The following TRPM5 variants were observed in gnomAD, a reference collection of about 807,000 sequenced individuals.
TRPM5 encodes the protein MLSN1 and TRP-related.
Under a neutral mutation model 124.9 loss-of-function variants are expected in TRPM5, and 121 were observed. The ratio of observed to expected loss-of-function variants is 0.97; its 90% CI spans 0.84 to 1.13. TRPM5 has a LOEUF of 1.13. Among genes scored for constraint, TRPM5 ranks in the 50% most tolerant of loss-of-function variants. TRPM5 has a pLI of 0.00. For missense variants in TRPM5, 1,643 were observed against 1,589.1 expected (o/e 1.03, Z -0.58); for synonymous variants, 781 against 700.5 (o/e 1.11, Z -1.81).
Position 2,422,914 on chromosome 11 carries a change from C to G in TRPM5, c.117+6G>C. On this transcript the variant is annotated splice_donor_region_variant and intron_variant, in intron 1 of 23. Transcript: ENST00000155858. ...ACATCACCTGAGGCCTGGGGCCTGC[C>G]CTTACCTTGCCTCGCTTCTTCCCAG... 1.2e-6 allele frequency: 2 copies of G among 1,611,866 alleles called. No individual in the cohort carries two copies. The highest frequency in any genetic ancestry group is 1.7e-6 in the Non-Finnish European group (2 of 1,178,562).
chr11:2,413,330 G>T, intron 13 of TRPM5, 104 bp from the exon 19 acceptor site: 2 of 1,318,078 alleles, frequency 1.5e-6, no homozygotes, highest in Non-Finnish European at 2.1e-6. Flanking sequence ...TGCAGGGGCT[G>T]TGGGGAGTGG....
At chr11:2,428,676 G>A in the TRPM5 span, among the ~76,000 whole-genome samples, 17 of 151,980 alleles carry the variant, frequency 1.1e-4, no homozygotes, top group South Asian at 2.7e-3. This position sits in a 1 kb window ranked among gnomAD's most constrained non-coding sequence, Gnocchi z 4.0. Flanking sequence ...GAATGATGAC[G>A]AAGATGATGA....
chr11:2,405,106 A>T (rs981306285), intron 23 of TRPM5, 63 bp from the exon 29 acceptor site: 3 of 1,436,852 alleles, frequency 2.1e-6, no homozygotes, highest in Non-Finnish European at 2.9e-6. Flanking sequence ...GGAAGGGGAG[A>T]GGTAGCTGGC....
exon 9 of TRPM5, chr11:2,415,178 C>A: frequency 1.3e-6 from 2 of 1,584,940 alleles, no homozygotes; most frequent in Non-Finnish European, 1.7e-6. Context: ...AGGCGTCCTG[C>A]AGGAAGTCCT....
chr11:2,425,492 C>T (rs182249641), upstream of TRPM5, among the ~76,000 whole-genome samples: 18 of 152,348 alleles, frequency 1.2e-4, no homozygotes, highest in African/African-American at 4.1e-4. Context: ...TCTGCAAGGA[C>T]CCCACTTCCA....
At chr11:2,407,665 A>C (rs1850350852) in intron 19 of TRPM5, 94 bp downstream of exon 24, 6 of 1,489,110 alleles carry the variant, frequency 4.0e-6, no homozygotes, top group Non-Finnish European at 5.5e-6. Flanking sequence ...CCTCTGCAGC[A>C]CACCAGGTGG....
chr11:2,416,153 G>A, intron 7 of TRPM5, 129 bp from the exon 13 acceptor site: 1 of 627,828 alleles, frequency 1.6e-6, no homozygotes, highest in South Asian at 2.0e-5. Flanking sequence ...ACTTGAGGGG[G>A]CACATGCGCC....
At chr11:2,418,501 C>T (rs375736221) in intron 5 of TRPM5, 26 bp downstream of exon 10, 11 of 1,602,914 alleles carry the variant, frequency 6.9e-6, no homozygotes, top group Non-Finnish European at 9.4e-6. Context: ...CTTCGGCCAG[C>T]CAGGGGGCCT....
the TRPM5 span, among the ~76,000 whole-genome samples, chr11:2,434,862 A>G: frequency 6.6e-6 from 1 of 152,190 alleles, no homozygotes; most frequent in Non-Finnish European, 1.5e-5. Flanking sequence ...GGTTCTGGAA[A>G]TGACAGCCAT....
intron 18 of TRPM5, among the ~76,000 whole-genome samples, chr11:2,410,014 C>T (rs1850412567): frequency 6.6e-6 from 1 of 152,248 alleles, no homozygotes; most frequent in Non-Finnish European, 1.5e-5. Context: ...CCTGCCCTGG[C>T]TGGAGGCGCC....
upstream of TRPM5, among the ~76,000 whole-genome samples, chr11:2,424,514 G>A (rs532444823): frequency 1.5e-3 from 234 of 152,364 alleles, no homozygotes; most frequent in South Asian, 0.015. Flanking sequence ...GCTGGAGCAG[G>A]GGGAGCCCTG....
intron 18 of TRPM5, among the ~76,000 whole-genome samples, chr11:2,410,278 G>A (rs1238732686): frequency 1.3e-5 from 2 of 152,184 alleles, no homozygotes; most frequent in African/African-American, 4.8e-5. Context: ...CCGGAGGCCT[G>A]TGTTTGCTCC....
chr11:2,431,258 G>A, the TRPM5 span, among the ~76,000 whole-genome samples: 1 of 152,078 alleles, frequency 6.6e-6, no homozygotes, highest in Non-Finnish European at 1.5e-5. Flanking sequence ...CCTCAGGCCT[G>A]AGACCCTAAA....
chr11:2,406,034 C>G lies in TRPM5; in HGVS notation c.3309G>C (p.Lys1103Asn), dbSNP rs780872175. 1.2e-6 allele frequency: 2 copies of G among 1,611,940 alleles called. No homozygotes were observed. Among genetic ancestry groups the G allele is most frequent in the Non-Finnish European group, 1.7e-6 (2 of 1,179,954 alleles). The change falls in exon 22 of 24, where the codon AAG becomes AAC. Residue 1103 changes from lysine (K) to asparagine (N), a missense_variant. Transcript: ENST00000155858. ...GCTCGCTTGCCTGTGACTCCAGACA[C>G]TTGATGCGCTTTTCTTGCTCTCTCA...
intron 12 of TRPM5, 55 bp from the exon 18 acceptor site, chr11:2,413,643 C>T: frequency 2.0e-6 from 3 of 1,526,730 alleles, no homozygotes; most frequent in Middle Eastern, 3.4e-4. Context: ...CCAGGCTGCG[C>T]CCTGCCCCAG....
chr11:2,412,907 C>T (rs375103645), exon 15 of TRPM5: 2 of 1,598,198 alleles, frequency 1.3e-6, no homozygotes, highest in African/African-American at 1.3e-5. Flanking sequence ...TCCCCAGGAA[C>T]ACAGTCACGG....
intron 18 of TRPM5, among the ~76,000 whole-genome samples, chr11:2,410,224 G>A (rs978376269): frequency 6.6e-5 from 10 of 152,228 alleles, no homozygotes; most frequent in South Asian, 6.2e-4. Context: ...AATGAGCCGC[G>A]CTGGGAGAGG....
At chr11:2,405,316 G>A (rs185644606) in intron 23 of TRPM5, among the ~76,000 whole-genome samples, 4 of 152,358 alleles carry the variant, frequency 2.6e-5, no homozygotes, top group South Asian at 2.1e-4. Flanking sequence ...AGCCTCAAGA[G>A]TCTGAGTGAA....
Position 2,418,372 on chromosome 11 carries a change from G to A in TRPM5, c.715-14C>T. 6.5e-7 allele frequency: 1 copy of A among 1,542,364 alleles called. No individual in the cohort carries two copies. Among genetic ancestry groups the A allele is most frequent in the Non-Finnish European group, 8.8e-7 (1 of 1,139,274 alleles). On this transcript the variant is annotated splice_polypyrimidine_tract_variant and intron_variant, in intron 5 of 23. Coordinates refer to ENST00000155858, the Ensembl canonical transcript of TRPM5. Reference sequence around the variant, plus strand: ...CCTGGAGATCCTCTGAGACGGGGAGGGAGGGGAGAGCGGACCCCAGATTAG... The same window carrying A: ...CCTGGAGATCCTCTGAGACGGGGAGAGAGGGGAGAGCGGACCCCAGATTAG...
Sources: gnomAD v4.1 joint callset for allele counts (sites outside exome capture counted in the v4.1 genomes callset) on GRCh38, gnomAD v4.1.1 for gene constraint, Gnocchi (gnomAD v3.1) non-coding constraint, MANE v1.5 for transcripts, NCBI Gene and HGNC (gene_info 2026-07-23, HGNC 2026-07-21) for gene names.